The following WDR37 variants were observed in gnomAD, a reference collection of about 807,000 sequenced individuals.
WDR37 encodes the protein WD repeat-containing protein 37.
A neutral mutation model predicts 62.9 loss-of-function variants in WDR37; 19 were observed. The observed-to-expected ratio is 0.30, with a 90% CI of 0.21 to 0.44. The LOEUF (loss-of-function observed/expected upper bound fraction) is 0.44, where lower values mean the gene tolerates loss of function less well. Among genes scored for constraint, WDR37 ranks in the 20% least tolerant of loss-of-function variants. The probability of loss-of-function intolerance (pLI) is 1.00; values close to 1 mark genes in which losing one functional copy is unlikely to be tolerated. For missense variants in WDR37, 474 were observed against 657.6 expected, an observed-to-expected ratio of 0.72 and a Z score of 3.05; for synonymous variants, 250 against 260.9, an observed-to-expected ratio of 0.96 and a Z score of 0.40.
rs1212493717 is a variant in WDR37 at position 1,085,351 on chromosome 10, G to T, written c.532+813G>T. On this transcript the variant is annotated intron_variant, in intron 6 of 13. Coordinates refer to ENST00000263150, the MANE Select transcript of WDR37 (RefSeq NM_014023.4). ...TTTTTCCCACAAGTGGAGTGCAGTT[G>T]AGGGACAGTAGTTTGGTACTCACTG... is the stretch of plus-strand genomic sequence containing the variant. 5.3e-5 allele frequency among the ~76,000 whole-genome samples: 8 copies of T among 152,276 alleles called. No homozygotes were observed. The East Asian group carries it at 1.5e-3, about 29-fold the overall frequency.
intron 11 of WDR37, among the ~76,000 whole-genome samples, chr10:1,110,091 A>G (rs1835163113): frequency 6.6e-6 from 1 of 152,188 alleles, no homozygotes; most frequent in Non-Finnish European, 1.5e-5. Flanking sequence ...ATCATGAACT[A>G]GCGTATCTTG....
chr10:1,122,516 C>T (rs528519461), intron 11 of WDR37, among the ~76,000 whole-genome samples: 14 of 152,336 alleles, frequency 9.2e-5, no homozygotes, highest in African/African-American at 3.4e-4. Context: ...AGCTGCATGG[C>T]GAGCATGGGG....
intron 11 of WDR37, among the ~76,000 whole-genome samples, chr10:1,108,974 C>T (rs758275073): frequency 1.3e-5 from 2 of 152,196 alleles, no homozygotes; most frequent in Admixed American, 6.5e-5. Context: ...GGCCAGTGTG[C>T]CCTGCTGTGC....
intron 9 of WDR37, among the ~76,000 whole-genome samples, chr10:1,097,008 G>A (rs1834606570): frequency 6.6e-6 from 1 of 152,210 alleles, no homozygotes; most frequent in South Asian, 2.1e-4. Flanking sequence ...CGGGGAACCG[G>A]AAGAAAGTGA....
chr10:1,058,598 A>T (rs562715319), intron 1 of WDR37, among the ~76,000 whole-genome samples: 1 of 152,338 alleles, frequency 6.6e-6, no homozygotes, highest in African/African-American at 2.4e-5. Flanking sequence ...ATGGCTATTT[A>T]TCTGATTAAT....
intron 1 of WDR37, among the ~76,000 whole-genome samples, chr10:1,066,830 C>T (rs910285457): frequency 6.6e-6 from 1 of 152,202 alleles, no homozygotes; most frequent in Non-Finnish European, 1.5e-5. Context: ...GCCTCACAAT[C>T]ATGGCAGAAG....
chr10:1,065,951 A>T (rs1589074869), intron 1 of WDR37, among the ~76,000 whole-genome samples: 1 of 152,224 alleles, frequency 6.6e-6, no homozygotes, highest in Non-Finnish European at 1.5e-5. Flanking sequence ...ATCCACAAAA[A>T]ATCTTGAACT....
In WDR37 at chr10:1,121,813, A is replaced by G. The variant is rs772574497; in HGVS notation, c.1104-2405A>G. On this transcript the variant is annotated intron_variant, in intron 11 of 13. Coordinates refer to ENST00000263150, the MANE Select transcript of WDR37 (RefSeq NM_014023.4). This position sits in a 1 kb window ranked among gnomAD's most constrained non-coding sequence, Gnocchi z 4.5. ...AATCCACACCGCAGCTGTGGGCACC[A>G]CGACCAGGCCTTTGAGAATGCAGAC... is the stretch of plus-strand genomic sequence containing the variant. Among the ~76,000 whole-genome samples, 45 of 151,996 alleles carry G rather than the reference A, an allele frequency of 3.0e-4. 1 individual carries two copies. The highest frequency in any genetic ancestry group is 5.4e-4 in the Non-Finnish European group (37 of 68,006).
intron 1 of WDR37, among the ~76,000 whole-genome samples, chr10:1,066,446 G>C (rs1427846815): frequency 6.6e-6 from 1 of 152,152 alleles, no homozygotes; most frequent in Non-Finnish European, 1.5e-5. Context: ...AAAAAACCTT[G>C]ACATGGAGGA....
chr10:1,102,807 C>T (rs1380035093), intron 9 of WDR37, among the ~76,000 whole-genome samples: 1 of 152,146 alleles, frequency 6.6e-6, no homozygotes, highest in Non-Finnish European at 1.5e-5. Flanking sequence ...TATGACATAC[C>T]TCTCCATACT....
chr10:1,060,698 T>C (rs890075242), intron 1 of WDR37, among the ~76,000 whole-genome samples: 1 of 152,234 alleles, frequency 6.6e-6, no homozygotes, highest in Non-Finnish European at 1.5e-5. Context: ...TATTAGTGTT[T>C]AGTCTGTTAA....
At chr10:1,098,586 A>G (rs903854175) in intron 9 of WDR37, among the ~76,000 whole-genome samples, 7 of 152,046 alleles carry the variant, frequency 4.6e-5, no homozygotes, top group African/African-American at 1.7e-4. Flanking sequence ...CGGCCTCCCA[A>G]AGTGCTGGGA....
In WDR37 at chr10:1,084,477, C is replaced by T. The variant is rs763974510; in HGVS notation, c.471C>T (p.Asp157=). ...QLVKEYIGHR[D]GIWDVSVAKT... ...TGAAGGAGTACATCGGCCACCGGGA[C>T]GGCATCTGGGATGTCAGCGTGGCCA... Residue 157 remains aspartate (D), a synonymous_variant, in exon 6 of 14, where the codon GAC becomes GAT. Transcript: ENST00000263150. The T allele has an allele frequency of 8.9e-5, 144 of 1,614,182 alleles. 1 individual carries two copies. Among genetic ancestry groups the T allele is most frequent in the Middle Eastern group, 4.9e-4 (3 of 6,062 alleles).
chr10:1,123,221 G>C (rs1475349336), intron 11 of WDR37, among the ~76,000 whole-genome samples: 2 of 152,106 alleles, frequency 1.3e-5, no homozygotes, highest in Admixed American at 1.3e-4. Context: ...TTGTGATGTT[G>C]AATTTTTCTC....
intron 7 of WDR37, among the ~76,000 whole-genome samples, chr10:1,088,148 G>A (rs914234073): frequency 1.3e-5 from 2 of 152,208 alleles, no homozygotes; most frequent in Non-Finnish European, 2.9e-5. Context: ...GAATTAGGCT[G>A]CAGCTAAAGG....
intron 3 of WDR37, 87 bp from the exon 4 acceptor site, chr10:1,079,924 T>G: frequency 9.2e-7 from 1 of 1,085,614 alleles, no homozygotes; most frequent in Non-Finnish European, 1.4e-6. Context: ...ATATATAGCA[T>G]TTTTTCTGTG....
At chr10:1,090,980 G>A (rs769094453) in intron 7 of WDR37, among the ~76,000 whole-genome samples, 40 of 152,204 alleles carry the variant, frequency 2.6e-4, no homozygotes, top group Non-Finnish European at 5.3e-4. Flanking sequence ...GAAGGTGACC[G>A]GGGGTGATTG....
At chr10:1,096,329 C>T (rs932464178) in intron 9 of WDR37, 83 bp downstream of exon 9, 20 of 1,487,082 alleles carry the variant, frequency 1.3e-5, no homozygotes, top group African/African-American at 2.8e-5. Context: ...CTGTCATGGA[C>T]GGAATGTTTG....
rs1589111832 is a variant in WDR37 at position 1,105,849 on chromosome 10, T to G, written c.1103+582T>G. ...CGCCCAGGCTGGAGTGCAGTGGCGC[T>G]ATCTCGGCTCACTGCAAGCTCCGCC... On this transcript the variant is annotated intron_variant, in intron 11 of 13. Coordinates refer to ENST00000263150, the MANE Select transcript of WDR37 (RefSeq NM_014023.4). The surrounding 1 kb of genome is among the most constrained non-coding windows in gnomAD (Gnocchi z 5.3). Among the ~76,000 whole-genome samples, 2 of 151,920 alleles carry G rather than the reference T, an allele frequency of 1.3e-5. No individual in the cohort carries two copies. Among genetic ancestry groups the G allele is most frequent in the Middle Eastern group, 6.8e-3 (2 of 294 alleles).
Sources: allele counts gnomAD v4.1 joint callset (sites outside exome capture counted in the v4.1 genomes callset), GRCh38; gene constraint gnomAD v4.1.1; non-coding constraint Gnocchi (gnomAD v3.1); transcripts MANE v1.5; gene names NCBI Gene and HGNC (gene_info 2026-07-23, HGNC 2026-07-21).